GNB1: variants seen among roughly 807,000 people sequenced by gnomAD.
GNB1 encodes G protein subunit beta 1, also known as guanine nucleotide-binding protein G(I)/G(S)/G(T) subunit beta-1.
Under a neutral mutation model 42.9 loss-of-function variants are expected in GNB1, and 2 were observed. That is an observed-to-expected ratio of 0.05 (90% CI 0.02 to 0.15). The LOEUF (loss-of-function observed/expected upper bound fraction) is 0.15, where lower values mean the gene tolerates loss of function less well. Among genes scored for constraint, GNB1 ranks in the 10% least tolerant of loss-of-function variants. The pLI is 1.00. For synonymous variants in GNB1, 183 were observed against 174.7 expected, an observed-to-expected ratio of 1.05 and a Z score of -0.38; for missense variants, 193 against 462.2, an observed-to-expected ratio of 0.42 and a Z score of 5.34.
chr1:1,788,741 T>C, intron 10 of GNB1: 2 of 297,710 alleles, frequency 6.7e-6, no homozygotes, highest in South Asian at 6.2e-5. Context: ...ATGGAACTCC[T>C]CCCCCTGAAG....
At chr1:1,883,086 T>C (rs115465398) in intron 1 of GNB1, among the ~76,000 whole-genome samples, 3 of 149,920 alleles carry the variant, frequency 2.0e-5, no homozygotes, top group African/African-American at 4.9e-5. Context: ...AACCCAGGAG[T>C]TGGAGACCAG....
intron 2 of GNB1, among the ~76,000 whole-genome samples, chr1:1,829,207 C>T (rs1417754204): frequency 6.6e-6 from 1 of 152,116 alleles, no homozygotes; most frequent in Non-Finnish European, 1.5e-5. Context: ...CAGGCGTATG[C>T]TACCACGCTT....
chr1:1,871,536 C>T (rs1400467007), intron 1 of GNB1, among the ~76,000 whole-genome samples: 4 of 152,052 alleles, frequency 2.6e-5, no homozygotes, highest in Non-Finnish European at 5.9e-5. Context: ...CGTGTCTCCT[C>T]GATCTAACCT....
chr1:1,849,149 C>A (rs747847472), intron 1 of GNB1, among the ~76,000 whole-genome samples: 2 of 152,186 alleles, frequency 1.3e-5, no homozygotes, highest in South Asian at 4.1e-4. Context: ...AACACCAAGG[C>A]TCAGGGGAGC....
chr1:1,878,759 G>A (rs942791456), intron 1 of GNB1, among the ~76,000 whole-genome samples: 1 of 152,040 alleles, frequency 6.6e-6, no homozygotes, highest in Admixed American at 6.6e-5. Context: ...CTTTATGGGC[G>A]CTGCCCTCTC....
intron 1 of GNB1, chr1:1,890,371 G>C (rs1442263199): frequency 1.3e-5 from 2 of 150,640 alleles, no homozygotes; most frequent in Non-Finnish European, 3.0e-5. Flanking sequence ...CACCCCGATA[G>C]GCGGCCCGCG....
At chr1:1,836,726 T>C (rs1461485072) in intron 2 of GNB1, among the ~76,000 whole-genome samples, 1 of 152,134 alleles carries the variant, frequency 6.6e-6, no homozygotes, top group Non-Finnish European at 1.5e-5. Flanking sequence ...AATTTTTGTA[T>C]TTTTAGTAGA....
chr1:1,885,214 A>C (rs1363890488), intron 1 of GNB1, among the ~76,000 whole-genome samples: 4 of 151,348 alleles, frequency 2.6e-5, no homozygotes, highest in Non-Finnish European at 2.9e-5. Flanking sequence ...GCAGTTTGAG[A>C]CCAGCCTGGC....
chr1:1,887,282 C>T (rs573438209), intron 1 of GNB1, among the ~76,000 whole-genome samples: 2 of 152,278 alleles, frequency 1.3e-5, no homozygotes, highest in East Asian at 1.9e-4. Flanking sequence ...TAAAATAATA[C>T]CAATGTTATT....
Position 1,855,138 on chromosome 1 carries a change from A to G in GNB1, c.-95-15900T>C, listed in dbSNP as rs146253830. 8.8e-3 allele frequency among the ~76,000 whole-genome samples: 1,257 copies of G among 143,018 alleles called. 20 individuals are homozygous for G. The highest frequency in any genetic ancestry group is 0.031 in the African/African-American group (1,207 of 39,010). The allele number at this position is 143,018 out of a possible 152,430, so 93.8% of individuals were successfully genotyped here. On this transcript the variant is annotated intron_variant, in intron 1 of 11. Transcript: ENST00000378609. Reference sequence around the variant, plus strand: ...AGCTCCACTGCACTCCAGCCTGGGCAACAGAGCAAGACCGTATCTCAAAAA... The same window carrying G: ...AGCTCCACTGCACTCCAGCCTGGGCGACAGAGCAAGACCGTATCTCAAAAA...
intron 7 of GNB1, among the ~76,000 whole-genome samples, chr1:1,798,492 C>T (rs1018530917): frequency 6.6e-6 from 1 of 152,186 alleles, no homozygotes. Context: ...CAGCTGTGCA[C>T]GCTGTATCAT....
chr1:1,875,344 A>C (rs1649485248), intron 1 of GNB1, among the ~76,000 whole-genome samples: 1 of 151,962 alleles, frequency 6.6e-6, no homozygotes, highest in African/African-American at 2.4e-5. Context: ...GGTGCACGCC[A>C]CCACACCCCA....
intron 1 of GNB1, among the ~76,000 whole-genome samples, chr1:1,849,635 CAA>C (rs1647872297): frequency 6.6e-6 from 1 of 152,052 alleles, no homozygotes; most frequent in Non-Finnish European, 1.5e-5. Flanking sequence ...CTCCTGGGCT[CAA>C]GTGAGTCTGC....
At chr1:1,804,718 T>C (rs1176348720) in intron 6 of GNB1, 137 bp from the exon 7 acceptor site, 1 of 640,150 alleles carries the variant, frequency 1.6e-6, no homozygotes. Context: ...TAGAGAGCGA[T>C]TCCCATATGT....
At chr1:1,865,512 G>A (rs1485333281) in intron 1 of GNB1, among the ~76,000 whole-genome samples, 2 of 152,126 alleles carry the variant, frequency 1.3e-5, no homozygotes, top group African/African-American at 4.8e-5. Flanking sequence ...CTTGAACCCG[G>A]GAAGCAGAGG....
chr1:1,795,246 C>G (rs1274407125), intron 7 of GNB1, among the ~76,000 whole-genome samples: 1 of 152,118 alleles, frequency 6.6e-6, no homozygotes, highest in Non-Finnish European at 1.5e-5. Context: ...GGTCTCCACC[C>G]GAGCCCTCCT....
At chr1:1,873,945 A>AG (rs1649388572) in intron 1 of GNB1, among the ~76,000 whole-genome samples, 2 of 152,166 alleles carry the variant, frequency 1.3e-5, no homozygotes, top group Admixed American at 1.3e-4. Flanking sequence ...TAAATACAAG[A>AG]GGGAACGCAT....
intron 5 of GNB1, among the ~76,000 whole-genome samples, chr1:1,807,401 T>A (rs970295113): frequency 7.6e-6 from 1 of 131,700 alleles, no homozygotes; most frequent in African/African-American, 3.0e-5. Flanking sequence ...GAGGCGGGGG[T>A]TGCAGTGAGC....
intron 2 of GNB1, among the ~76,000 whole-genome samples, chr1:1,837,097 A>C (rs1647161812): frequency 6.6e-6 from 1 of 152,118 alleles, no homozygotes; most frequent in Non-Finnish European, 1.5e-5. Context: ...GTTTTTTCTA[A>C]GGAGCAGAAG....
Sources: gnomAD v4.1 joint callset for allele counts (sites outside exome capture counted in the v4.1 genomes callset) on GRCh38, gnomAD v4.1.1 for gene constraint, MANE v1.5 for transcripts, NCBI Gene and HGNC (gene_info 2026-07-23, HGNC 2026-07-21) for gene names.